Variants in PIEZO2 observed in about 807,000 individuals in gnomAD.
The protein encoded by PIEZO2 is piezo type mechanosensitive ion channel component 2, also known as piezo-type mechanosensitive ion channel component 2.
PIEZO2 carries 172 observed loss-of-function variants against 337.3 expected under a neutral mutation model. That is an observed-to-expected ratio of 0.51 (90% CI 0.45 to 0.58). PIEZO2 has a LOEUF of 0.58. Among genes scored for constraint, PIEZO2 ranks in the 20% least tolerant of loss-of-function variants. The pLI is 0.00. For missense variants in PIEZO2, 3,028 were observed against 3,391.3 expected (o/e 0.89, Z 2.66); for synonymous variants, 1,251 against 1,228.5 (o/e 1.02, Z -0.38).
intron 2 of PIEZO2, among the ~76,000 whole-genome samples, chr18:10,990,321 G>T (rs549400805): frequency 6.6e-6 from 1 of 152,232 alleles, no homozygotes; most frequent in African/African-American, 2.4e-5. Flanking sequence ...TGGGAAATAG[G>T]AGTGAGAATT....
Position 11,104,691 on chromosome 18 carries a change from A to G in PIEZO2, c.65-38469T>C, listed in dbSNP as rs1048030183. 1.4e-4 allele frequency among the ~76,000 whole-genome samples: 22 copies of G among 152,224 alleles called. No homozygotes were observed. The highest frequency in any genetic ancestry group is 7.3e-5 in the Non-Finnish European group (5 of 68,034). The stretch of plus-strand genomic sequence containing the variant: ...AACAAAGAGGTCTGTGGCCCGGCTG[A>G]GCCAAGATGCCATGAACATGCAGGG... On this transcript the variant is annotated intron_variant, in intron 1 of 55. Transcript: ENST00000674853. The surrounding 1 kb of genome is among the most constrained non-coding windows in gnomAD (Gnocchi z 4.6).
Position 10,752,839 on chromosome 18 carries a change from G to A in PIEZO2, c.3964C>T (p.Leu1322Phe). The part of the protein sequence containing the change: ...DMSKVIIFSY[L>F]FWFVLTIIFI... The stretch of plus-strand genomic sequence containing the variant: ...ATGATGGTGAGCACAAACCAGAAGA[G>A]GTAGCTGAAGATGATCACTTTGGAC... Residue 1322 changes from leucine (L) to phenylalanine (F), a missense_variant, in exon 28 of 56, where the codon CTC becomes TTC. Leu to Phe is a conservative substitution (Grantham distance 22). Transcript: ENST00000674853. 1 of 1,537,072 alleles carries A rather than the reference G, an allele frequency of 6.5e-7. No individual in the cohort carries two copies. The highest frequency in any genetic ancestry group is 8.7e-7 in the Non-Finnish European group (1 of 1,146,888).
Position 10,672,540 on chromosome 18 carries a change from T to C in PIEZO2, c.8345+150A>G. On this transcript the variant is annotated intron_variant, in intron 55 of 55. Coordinates refer to ENST00000674853, the MANE Select transcript of PIEZO2 (RefSeq NM_001378183.1). This position sits in a 1 kb window ranked among gnomAD's most constrained non-coding sequence, Gnocchi z 4.7. ...CTTTGGGACTCTGGTGCCTCATTTT[T>C]TGAAATAAAATGCACACAAGGATGT... is the stretch of plus-strand genomic sequence containing the variant. The C allele has an allele frequency of 1.2e-6, 1 of 857,764 alleles. No homozygotes were observed. The highest frequency in any genetic ancestry group is 1.7e-5 in the African/African-American group (1 of 58,182). 53.1% of individuals were successfully genotyped at this position (857,764 alleles called of 1,614,324 possible).
At chr18:11,040,078 T>G (rs2037063873) in intron 2 of PIEZO2, among the ~76,000 whole-genome samples, 1 of 148,338 alleles carries the variant, frequency 6.7e-6, no homozygotes. Flanking sequence ...GCCTCAAAAA[T>G]CATAGAGTTC....
chr18:10,981,485 C>T (rs1358170202), intron 2 of PIEZO2, among the ~76,000 whole-genome samples: 1 of 152,170 alleles, frequency 6.6e-6, no homozygotes, highest in East Asian at 1.9e-4. Context: ...ATTTGATCTT[C>T]TACCTAAGTG....
chr18:10,809,771 T>A (rs925573059), intron 7 of PIEZO2, among the ~76,000 whole-genome samples: 1 of 152,120 alleles, frequency 6.6e-6, no homozygotes, highest in African/African-American at 2.4e-5. Flanking sequence ...AAGAAACTGA[T>A]ACTATTGCAC....
chr18:10,989,220 C>T (rs2145542123), intron 2 of PIEZO2, among the ~76,000 whole-genome samples: 1 of 152,008 alleles, frequency 6.6e-6, no homozygotes, highest in Admixed American at 6.6e-5. Context: ...GAAATGTATA[C>T]ATTAATTGTA....
rs1227897939 is a variant in PIEZO2, at chr18:10,962,746, T to A, written c.286+16789A>T. On this transcript the variant is annotated intron_variant, in intron 3 of 55. Coordinates refer to ENST00000674853, the MANE Select transcript of PIEZO2 (RefSeq NM_001378183.1). The surrounding 1 kb of genome is among the most constrained non-coding windows in gnomAD (Gnocchi z 4.1). ...TTTGTAATTTCATCCCCAAGATAAA[T>A]CCATCATTTAGCCTCTTTAAATGGA... Among the ~76,000 whole-genome samples the A allele has an allele frequency of 1.3e-5, 2 of 152,170 alleles. No homozygotes were observed. The highest frequency in any genetic ancestry group is 2.9e-5 in the Non-Finnish European group (2 of 68,038).
At chr18:10,678,937 T>C (rs561847515) in intron 52 of PIEZO2, among the ~76,000 whole-genome samples, 67 of 135,516 alleles carry the variant, frequency 4.9e-4, no homozygotes, top group Admixed American at 9.9e-4. Flanking sequence ...CAATTTCTTT[T>C]TTTTTTTTTT....
intron 4 of PIEZO2, among the ~76,000 whole-genome samples, chr18:10,909,564 G>T (rs2030275494): frequency 6.6e-6 from 1 of 152,206 alleles, no homozygotes; most frequent in Non-Finnish European, 1.5e-5. Flanking sequence ...TTTCAGAGAT[G>T]CATGCTGACC....
At chr18:10,971,250 A>T (rs752878162) in intron 3 of PIEZO2, among the ~76,000 whole-genome samples, 4 of 152,230 alleles carry the variant, frequency 2.6e-5, no homozygotes, top group Non-Finnish European at 5.9e-5. Context: ...CCTATGTGTA[A>T]TTCTGGCGAC....
rs192844965 is a variant in PIEZO2 at position 11,012,764 on chromosome 18, C to T, written c.161-33104G>A. 5.7e-4 allele frequency among the ~76,000 whole-genome samples: 87 copies of T among 152,280 alleles called. 1 individual carries two copies. Among genetic ancestry groups the T allele is most frequent in the African/African-American group, 2.0e-3 (84 of 41,540 alleles). On this transcript the variant is annotated intron_variant, in intron 2 of 55. Coordinates refer to ENST00000674853, the MANE Select transcript of PIEZO2 (RefSeq NM_001378183.1). ...TAATATATTAAGTTATTCATTTAGG[C>T]CTAGCACAGGGGCTCATGCCTGTAA...
intron 10 of PIEZO2, among the ~76,000 whole-genome samples, chr18:10,800,768 T>C (rs2039784740): frequency 6.6e-6 from 1 of 151,816 alleles, no homozygotes; most frequent in Non-Finnish European, 1.5e-5. Context: ...CTCTTGTAAA[T>C]GGCTGAAGGA....
At chr18:10,710,767 C>T (rs946977320) in intron 39 of PIEZO2, among the ~76,000 whole-genome samples, 1 of 152,212 alleles carries the variant, frequency 6.6e-6, no homozygotes, top group African/African-American at 2.4e-5. Flanking sequence ...CAATGACTTC[C>T]ACTGCAGAAC....
At position 10,715,774 on chromosome 18, in the gene PIEZO2, C is replaced by A; in HGVS notation, c.5132G>T (p.Trp1711Leu). The A allele has an allele frequency of 6.5e-7, 1 of 1,533,840 alleles. No homozygotes were observed. Among genetic ancestry groups the A allele is most frequent in the Middle Eastern group, 1.7e-4 (1 of 5,984 alleles). ...KRIFNILKFT[W>L]VLFLATVDSF... ...GTCCACTGTTGCCAGAAATAGGACC[C>A]AGGTAAATTTCAAAATATTAAATAT... is the stretch of plus-strand genomic sequence containing the variant. The change falls in exon 38 of 56, where the codon TGG becomes TTG. Residue 1711 changes from tryptophan (W) to leucine (L), a missense_variant. This residue lies in a region of PIEZO2 where 1,925 missense variants were observed against 2,051.9 expected (regional missense o/e 0.94). Transcript: ENST00000674853.
chr18:10,680,113 C>T, intron 52 of PIEZO2, 86 bp downstream of exon 52: 1 of 1,209,688 alleles, frequency 8.3e-7, no homozygotes, highest in Non-Finnish European at 1.2e-6. Context: ...AGTTCCCATT[C>T]TTCCATCCCA....
Position 10,862,746 on chromosome 18 carries a change from A to G in PIEZO2, c.493-5535T>C, listed in dbSNP as rs1358883083. On this transcript the variant is annotated intron_variant, in intron 5 of 55. Transcript: ENST00000674853. The surrounding 1 kb of genome is among the most constrained non-coding windows in gnomAD (Gnocchi z 4.4). The stretch of plus-strand genomic sequence containing the variant: ...TTCCAGGAAGCTGTATGATTAAAGT[A>G]CTCTCTGGGGTGACCTGAAGCAGCC... 6.6e-6 allele frequency among the ~76,000 whole-genome samples: 1 copy of G among 152,088 alleles called. No individual in the cohort carries two copies. Among genetic ancestry groups the G allele is most frequent in the South Asian group, 2.1e-4 (1 of 4,826 alleles).
chr18:10,799,129 T>G (rs1369844881), intron 11 of PIEZO2, among the ~76,000 whole-genome samples: 3 of 152,212 alleles, frequency 2.0e-5, no homozygotes, highest in Non-Finnish European at 2.9e-5. Context: ...GACATGAGAA[T>G]AAACCTGATA....
chr18:10,949,392 G>GGGC (rs2033181142), intron 3 of PIEZO2, among the ~76,000 whole-genome samples: 1 of 152,164 alleles, frequency 6.6e-6, no homozygotes, highest in East Asian at 1.9e-4. Context: ...AAAAGAGGTT[G>GGGC]GGCTAAAGAT....
Sources: allele counts gnomAD v4.1 joint callset (sites outside exome capture counted in the v4.1 genomes callset), GRCh38; gene constraint gnomAD v4.1.1; regional missense constraint gnomAD v4.1.1; non-coding constraint Gnocchi (gnomAD v3.1); transcripts MANE v1.5; gene names NCBI Gene and HGNC (gene_info 2026-07-23, HGNC 2026-07-21).